PCDHGA6: variants seen among roughly 807,000 people sequenced by gnomAD.
PCDHGA6 encodes the protein protocadherin gamma-A6.
A neutral mutation model predicts 60.6 loss-of-function variants in PCDHGA6; 41 were observed. The ratio of observed to expected loss-of-function variants is 0.68; its 90% CI spans 0.53 to 0.88. The LOEUF is 0.88. Among genes scored for constraint, PCDHGA6 ranks in the 40% least tolerant of loss-of-function variants. PCDHGA6 has a pLI of 0.00. For missense variants in PCDHGA6, 1,312 were observed against 1,203.0 expected (o/e 1.09, Z -1.34); for synonymous variants, 594 against 524.4 (o/e 1.13, Z -1.81).
chr5:141,444,265 A>G (rs1355824197), intron 1 of PCDHGA6, among the ~76,000 whole-genome samples: 3 of 133,712 alleles, frequency 2.2e-5, no homozygotes, highest in Non-Finnish European at 3.1e-5. Flanking sequence ...TCCGCCTCCC[A>G]GGTTCAAGTG....
intron 1 of PCDHGA6, among the ~76,000 whole-genome samples, chr5:141,437,390 A>T (rs1422429346): frequency 6.6e-6 from 1 of 152,248 alleles, no homozygotes; most frequent in Non-Finnish European, 1.5e-5. Flanking sequence ...ACATTCATCC[A>T]CTGCTTTCAT....
Position 141,487,631 on chromosome 5 carries a change from G to T in PCDHGA6, c.2425-7176G>T. Reference sequence around the variant, plus strand: ...TGGGCTAGAGGTGAGACCTTTGCAGGCTCAACAAATGCTTGAGGGTTATTC... The same window carrying T: ...TGGGCTAGAGGTGAGACCTTTGCAGTCTCAACAAATGCTTGAGGGTTATTC... On this transcript the variant is annotated intron_variant, in intron 1 of 3. Transcript: ENST00000517434. The surrounding 1 kb of genome is among the most constrained non-coding windows in gnomAD (Gnocchi z 5.0). The T allele has an allele frequency of 6.2e-7, 1 of 1,614,176 alleles. No individual in the cohort carries two copies. Among genetic ancestry groups the T allele is most frequent in the Non-Finnish European group, 8.5e-7 (1 of 1,180,032 alleles).
intron 1 of PCDHGA6, chr5:141,412,735 T>A (rs2095573578): frequency 6.5e-6 from 1 of 153,492 alleles, no homozygotes; most frequent in African/African-American, 2.4e-5. Context: ...GTGTTGCAAA[T>A]ATATATTTAA....
rs73794918 is a variant in PCDHGA6, at chr5:141,443,711, A to G, written c.2425-51096A>G. On this transcript the variant is annotated intron_variant, in intron 1 of 3. Coordinates refer to ENST00000517434, the MANE Select transcript of PCDHGA6 (RefSeq NM_018919.3). ...TCAAAAATTATAGAATAACATTTGC[A>G]TATAAAATTCCTCATACATTTCCCT... 9.8e-3 allele frequency among the ~76,000 whole-genome samples: 1,497 copies of G among 152,340 alleles called. 25 individuals are homozygous for G. Among genetic ancestry groups the G allele is most frequent in the African/African-American group, 0.033 (1,382 of 41,580 alleles).
intron 1 of PCDHGA6, chr5:141,419,724 G>A (rs200134846): frequency 1.9e-4 from 301 of 1,613,488 alleles, no homozygotes; most frequent in South Asian, 1.2e-3. Context: ...CTGGGGCTGC[G>A]AACAGGCGAG....
In PCDHGA6 at chr5:141,486,157, AG is replaced by A. The variant is rs1562110605; in HGVS notation, c.2425-8649del. 1 of 1,614,208 alleles carries A rather than the reference AG, an allele frequency of 6.2e-7. No homozygotes were observed. Among genetic ancestry groups the A allele is most frequent in the Admixed American group, 1.7e-5 (1 of 60,026 alleles). On this transcript the variant is annotated intron_variant, in intron 1 of 3. Coordinates refer to ENST00000517434, the MANE Select transcript of PCDHGA6 (RefSeq NM_018919.3). This position sits in a 1 kb window ranked among gnomAD's most constrained non-coding sequence, Gnocchi z 5.0. ...TGCGGGCTCGCGATGGGGGTTCTCC[AG>A]CCATGGAGCAACATTGCAGCCTTCG...
chr5:141,387,727 C>T, intron 1 of PCDHGA6: 3 of 1,216,044 alleles, frequency 2.5e-6, no homozygotes, highest in South Asian at 3.2e-5. Context: ...CTCCCCAGCG[C>T]CAGCCTTTAC....
At chr5:141,405,491 C>T (rs1399017717) in intron 1 of PCDHGA6, 1 of 858,762 alleles carries the variant, frequency 1.2e-6, no homozygotes, top group East Asian at 2.7e-5. Flanking sequence ...GTGATCTCGG[C>T]TCATTGCAAC....
rs2099611311 is a variant in PCDHGA6 at position 141,485,311 on chromosome 5, G to A, written c.2425-9496G>A. 3.1e-6 allele frequency: 5 copies of A among 1,614,174 alleles called. No individual in the cohort carries two copies. The East Asian group carries it at 6.7e-5, about 22-fold the overall frequency. ...AGTCACAGGAAGGGACTTTTGTAGGGAATGTCGCTCAAGATTTCCTGCTGG... is the reference window on the plus strand; with the variant it reads ...AGTCACAGGAAGGGACTTTTGTAGGAAATGTCGCTCAAGATTTCCTGCTGG... On this transcript the variant is annotated intron_variant, in intron 1 of 3. Transcript: ENST00000517434. The surrounding 1 kb of genome is among the most constrained non-coding windows in gnomAD (Gnocchi z 5.7).
At chr5:141,460,985 A>G (rs553462661) in intron 1 of PCDHGA6, among the ~76,000 whole-genome samples, 245 of 91,804 alleles carry the variant, frequency 2.7e-3, no homozygotes, top group Middle Eastern at 5.0e-3. Context: ...GTGTGTGTGT[A>G]TATATATATA....
Position 141,489,515 on chromosome 5 carries a change from G to C in PCDHGA6, c.2425-5292G>C, listed in dbSNP as rs983415025. On this transcript the variant is annotated intron_variant, in intron 1 of 3. Coordinates refer to ENST00000517434, the MANE Select transcript of PCDHGA6 (RefSeq NM_018919.3). The surrounding 1 kb of genome is among the most constrained non-coding windows in gnomAD (Gnocchi z 4.5). ...CTGGCAGTGAATCAAAAGATTGACC[G>C]AGAAAGCCTATGTGGAGCCAGCACC... 1 of 1,614,104 alleles carries C rather than the reference G, an allele frequency of 6.2e-7. No individual in the cohort carries two copies. The highest frequency in any genetic ancestry group is 8.5e-7 in the Non-Finnish European group (1 of 1,180,034).
chr5:141,423,267 G>A (rs530404769), intron 1 of PCDHGA6: 1 of 1,613,710 alleles, frequency 6.2e-7, no homozygotes, highest in Non-Finnish European at 8.5e-7. Flanking sequence ...GCAGCCTCGA[G>A]TCTCTGGCTA....
Position 141,393,204 on chromosome 5 carries a change from C to T in PCDHGA6, c.2424+16697C>T, listed in dbSNP as rs373432896. ...AATAATTGATATTAACGATAATAAC[C>T]CAAAATTCCAGGTCGAAGATCTAGA... On this transcript the variant is annotated intron_variant, in intron 1 of 3. Transcript: ENST00000517434. 7 of 1,613,342 alleles carry T rather than the reference C, an allele frequency of 4.3e-6. No homozygotes were observed. The African/African-American group carries it at 9.3e-5, about 22-fold the overall frequency.
At position 141,375,555 on chromosome 5, in the gene PCDHGA6, T is replaced by G. The variant is rs535412919; in HGVS notation, c.1472T>G (p.Leu491Arg). 50 of 1,614,076 alleles carry G rather than the reference T, an allele frequency of 3.1e-5. No homozygotes were observed. In the Admixed American group the frequency reaches 5.5e-4, roughly 18 times the overall value. Residue 491 changes from leucine (L) to arginine (R), a missense_variant, in exon 1 of 4, where the codon CTG becomes CGG. Physicochemically the swap from Leu to Arg is moderately radical, Grantham distance 102. Transcript: ENST00000517434. ...VDQNAQVSYSLAEDTLQGAPL... is the reference protein window; with the variant it reads ...VDQNAQVSYSRAEDTLQGAPL... ...CAGAACGCCCAAGTCTCCTACTCAC[T>G]GGCAGAAGACACCCTCCAGGGGGCG... is the stretch of plus-strand genomic sequence containing the variant.
chr5:141,419,591 G>A lies in PCDHGA6; in HGVS notation c.2424+43084G>A, dbSNP rs574335266. The A allele has an allele frequency of 2.2e-5, 35 of 1,611,826 alleles. No individual in the cohort carries two copies. The African/African-American group carries it at 4.0e-4, about 18-fold the overall frequency. On this transcript the variant is annotated intron_variant, in intron 1 of 3. Coordinates refer to ENST00000517434, the MANE Select transcript of PCDHGA6 (RefSeq NM_018919.3). ...CGACGGCTCCGCGCTCTTCGACACA[G>A]TGCCGCGGGCCGCGCAGCCAGGCTA...
At chr5:141,430,373 A>G (rs1456234962) in intron 1 of PCDHGA6, among the ~76,000 whole-genome samples, 1 of 151,170 alleles carries the variant, frequency 6.6e-6, no homozygotes, top group Non-Finnish European at 1.5e-5. Flanking sequence ...GGGAAAAAAA[A>G]GCTCATTGGG....
chr5:141,388,630 T>C (rs754073337), intron 1 of PCDHGA6: 1 of 1,613,816 alleles, frequency 6.2e-7, no homozygotes, highest in Non-Finnish European at 8.5e-7. Flanking sequence ...GTATACAGGG[T>C]GAGCCTTTCA....
chr5:141,385,105 C>T lies in PCDHGA6; in HGVS notation c.2424+8598C>T. ...TTCAGAAGGTGGCTTGGCGAACGTG[C>T]CCACCTCGCACTTTGTGGGCATGGA... On this transcript the variant is annotated intron_variant, in intron 1 of 3. Transcript: ENST00000517434. 3 of 1,614,176 alleles carry T rather than the reference C, an allele frequency of 1.9e-6. No homozygotes were observed. Among genetic ancestry groups the T allele is most frequent in the Non-Finnish European group, 2.5e-6 (3 of 1,180,044 alleles).
intron 1 of PCDHGA6, among the ~76,000 whole-genome samples, chr5:141,433,747 G>A (rs566709728): frequency 1.3e-5 from 2 of 150,990 alleles, no homozygotes; most frequent in East Asian, 4.0e-4. Context: ...TGAGTCAGGA[G>A]AATTGCTTTA....
Sources: gnomAD v4.1 joint callset for allele counts (sites outside exome capture counted in the v4.1 genomes callset) on GRCh38, gnomAD v4.1.1 for gene constraint, Gnocchi (gnomAD v3.1) non-coding constraint, MANE v1.5 for transcripts, NCBI Gene and HGNC (gene_info 2026-07-23, HGNC 2026-07-21) for gene names.